Variants in ATP6V0A4 observed in about 807,000 individuals in gnomAD.
ATP6V0A4 encodes the protein ATPase H+ transporting V0 subunit a4, also known as V-type proton ATPase 116 kDa subunit a 4.
In ATP6V0A4, 86 loss-of-function variants were observed where a neutral mutation model predicts 107.3. That is an observed-to-expected ratio of 0.80 (90% CI 0.67 to 0.96). ATP6V0A4 has a LOEUF of 0.96. Ranked by LOEUF, ATP6V0A4 falls within the 40% of genes least tolerant of loss-of-function variation. The pLI is 0.00. For missense variants in ATP6V0A4, 908 were observed against 1,045.6 expected (o/e 0.87, Z 1.81); for synonymous variants, 353 against 381.4 (o/e 0.93, Z 0.87).
At chr7:138,770,050 C>T (rs543353393) in intron 3 of ATP6V0A4, among the ~76,000 whole-genome samples, 98 of 152,086 alleles carry the variant, frequency 6.4e-4, no homozygotes, top group African/African-American at 2.3e-3. Context: ...GACCCTGTCT[C>T]AAACAACAAC....
chr7:138,714,027 C>T (rs1803890613), intron 20 of ATP6V0A4, among the ~76,000 whole-genome samples: 1 of 146,586 alleles, frequency 6.8e-6, no homozygotes. Context: ...TGCTTGAGCC[C>T]AAGAGTTTGA....
intron 18 of ATP6V0A4, among the ~76,000 whole-genome samples, chr7:138,724,522 G>A (rs1204564448): frequency 6.6e-6 from 1 of 152,204 alleles, no homozygotes; most frequent in Non-Finnish European, 1.5e-5. Flanking sequence ...CAAGGCCTCT[G>A]TAGGACCCAG....
At chr7:138,792,766 G>GTTTTTTGTTTTT (rs1808474812) in intron 1 of ATP6V0A4, among the ~76,000 whole-genome samples, 11 of 68,666 alleles carry the variant, frequency 1.6e-4, no homozygotes, top group African/African-American at 4.5e-4. Flanking sequence ...ACTCAGGTTT[G>GTTTTTTGTTTTT]TTTTTTTTTT....
At chr7:138,758,747 T>TTTTTTC (rs1806634307) in intron 8 of ATP6V0A4, among the ~76,000 whole-genome samples, 1 of 126,750 alleles carries the variant, frequency 7.9e-6, no homozygotes, top group African/African-American at 3.0e-5. Flanking sequence ...GAATTTTTTT[T>TTTTTTC]TTTTTTTTTT....
intron 1 of ATP6V0A4, among the ~76,000 whole-genome samples, chr7:138,795,818 T>G (rs1000374192): frequency 1.6e-4 from 10 of 61,144 alleles, no homozygotes; most frequent in African/African-American, 2.1e-4. Context: ...TTTTTTTGTG[T>G]TTTTTTTTGT....
chr7:138,757,939 C>T (rs1347555349), intron 8 of ATP6V0A4, among the ~76,000 whole-genome samples: 1 of 152,200 alleles, frequency 6.6e-6, no homozygotes, highest in Non-Finnish European at 1.5e-5. Flanking sequence ...TTCAGAGCTG[C>T]TGCGTTACAT....
rs555874912 is a variant in ATP6V0A4 at position 138,728,756 on chromosome 7, C to T, written c.2010+5G>A. The stretch of plus-strand genomic sequence containing the variant: ...GTAGGGTGAACTGAAACAAACAGCC[C>T]TTACCTGGGATTTCCGATGACTGGC... On this transcript the variant is annotated splice_donor_5th_base_variant and intron_variant, in intron 18 of 21. Transcript: ENST00000310018. 3 of 1,614,146 alleles carry T rather than the reference C, an allele frequency of 1.9e-6. No individual in the cohort carries two copies. Among genetic ancestry groups the T allele is most frequent in the African/African-American group, 1.3e-5 (1 of 75,038 alleles).
intron 9 of ATP6V0A4, 80 bp downstream of exon 9, chr7:138,756,378 C>A: frequency 6.2e-7 from 1 of 1,605,322 alleles, no homozygotes; most frequent in South Asian, 1.1e-5. Flanking sequence ...AAGCCACAGT[C>A]ATGTGCATTT....
intron 15 of ATP6V0A4, among the ~76,000 whole-genome samples, chr7:138,735,013 C>G (rs1388073466): frequency 6.6e-6 from 1 of 152,090 alleles, no homozygotes; most frequent in Non-Finnish European, 1.5e-5. Flanking sequence ...AAGCACGATG[C>G]GTAAGACACA....
At chr7:138,768,940 T>A in intron 4 of ATP6V0A4, 66 bp from the exon 5 acceptor site, 1 of 1,602,054 alleles carries the variant, frequency 6.2e-7, no homozygotes, top group Non-Finnish European at 8.5e-7. Context: ...AGAAATGAGG[T>A]CAAGCAAGAC....
In ATP6V0A4 at chr7:138,744,007, C is replaced by CA. The variant is rs1456193891; in HGVS notation, c.1478+1115dup. Reference sequence around the variant, plus strand: ...AAATCTTTCTCCCCATAAAAGTCTCCATTCCTAAAAGGTTATGTTTCCATT... The same window carrying CA: ...AAATCTTTCTCCCCATAAAAGTCTCCAATTCCTAAAAGGTTATGTTTCCATT... On this transcript the variant is annotated intron_variant, in intron 14 of 21. Transcript: ENST00000310018. Among the ~76,000 whole-genome samples, 6 of 152,218 alleles carry CA rather than the reference C, an allele frequency of 3.9e-5. No homozygotes were observed. In the East Asian group the frequency reaches 1.2e-3, roughly 29 times the overall value.
At chr7:138,706,938 G>A (rs1223536966) in intron 21 of ATP6V0A4, among the ~76,000 whole-genome samples, 2 of 134,276 alleles carry the variant, frequency 1.5e-5, no homozygotes, top group Non-Finnish European at 3.1e-5. Context: ...CCATCACCCA[G>A]GCTGGAGTGC....
intron 19 of ATP6V0A4, among the ~76,000 whole-genome samples, chr7:138,718,176 GGAGGGAGACGTCCAGGAAGGAA>G (rs1562980221): frequency 4.5e-5 from 4 of 89,798 alleles, no homozygotes; most frequent in African/African-American, 1.1e-4. Flanking sequence ...GGATGTCTGT[GGAGGGAGACGTCCAGGAAGGAA>G]TGGGTGTGTG....
chr7:138,745,962 A>ATATATATATAT (rs1195420210), intron 13 of ATP6V0A4, among the ~76,000 whole-genome samples: 30 of 65,636 alleles, frequency 4.6e-4, no homozygotes, highest in African/African-American at 1.9e-3. Context: ...AAAAAAAAAA[A>ATATATATATAT]ATATATATAT....
At position 138,732,927 on chromosome 7, in the gene ATP6V0A4, A is replaced by C; in HGVS notation, c.1858T>G (p.Phe620Val). 6.2e-7 allele frequency: 1 copy of C among 1,613,780 alleles called. No homozygotes were observed. Residue 620 changes from phenylalanine to valine, a missense_variant, in exon 17 of 22, where the codon TTT becomes GTT. Phe to Val is a conservative substitution (Grantham distance 50). Transcript: ENST00000310018. ...GAAGAGTCACTGTAGTTAAACAGAAACATGTTGATGAAGTGGATGAGGATG... is the reference window on the plus strand; with the variant it reads ...GAAGAGTCACTGTAGTTAAACAGAACCATGTTGATGAAGTGGATGAGGATG... Reference protein sequence around the residue: ...PSILIHFINMFLFNYSDSSNA... With the variant: ...PSILIHFINMVLFNYSDSSNA...
chr7:138,740,098 G>GA (rs71520026), intron 14 of ATP6V0A4, among the ~76,000 whole-genome samples: 73,599 of 133,210 alleles, frequency 0.55, 20,304 homozygotes, highest in East Asian at 0.9. Context: ...CTGTTGAAAG[G>GA]AAAAAAAAAA....
intron 19 of ATP6V0A4, among the ~76,000 whole-genome samples, chr7:138,718,718 G>A (rs10240517): frequency 0.6 from 29,534 of 49,590 alleles, 9,442 homozygotes; most frequent in Admixed American, 0.7. Context: ...GGAGGGAGAC[G>A]TCCAGGAAGG....
At position 138,707,201 on chromosome 7, in the gene ATP6V0A4, T is replaced by C. The variant is rs867378829; in HGVS notation, c.2430-484A>G. 5.0e-5 allele frequency among the ~76,000 whole-genome samples: 4 copies of C among 79,860 alleles called. 1 individual carries two copies. The South Asian group carries it at 1.2e-3, about 23-fold the overall frequency. 52.4% of individuals were successfully genotyped at this position (79,860 alleles called of 152,430 possible). On this transcript the variant is annotated intron_variant, in intron 21 of 21. Coordinates refer to ENST00000310018, the MANE Select transcript of ATP6V0A4 (RefSeq NM_020632.3). ...TATATAATATATTATATATATTATA[T>C]AATATATTATATTATATAGAATATA...
At chr7:138,753,917 T>G (rs1226549615) in intron 10 of ATP6V0A4, among the ~76,000 whole-genome samples, 1 of 152,186 alleles carries the variant, frequency 6.6e-6, no homozygotes, top group South Asian at 2.1e-4. Flanking sequence ...TGGCAGGGAC[T>G]GAGCCAAAGG....
Sources: allele counts gnomAD v4.1 joint callset (sites outside exome capture counted in the v4.1 genomes callset), GRCh38; gene constraint gnomAD v4.1.1; transcripts MANE v1.5; gene names NCBI Gene and HGNC (gene_info 2026-07-23, HGNC 2026-07-21).